Variants in EHMT1 observed in about 807,000 individuals in gnomAD.
The protein encoded by EHMT1 is euchromatic histone lysine methyltransferase 1, also known as histone-lysine N-methyltransferase EHMT1.
EHMT1 carries 15 observed loss-of-function variants against 147.2 expected under a neutral mutation model. That is an observed-to-expected ratio of 0.10 (90% CI 0.07 to 0.16). The LOEUF (loss-of-function observed/expected upper bound fraction) is 0.16, where lower values mean the gene tolerates loss of function less well. EHMT1 is among the 10% of genes least tolerant of loss of function. EHMT1 has a pLI of 1.00. For missense variants in EHMT1, 1,587 were observed against 1,772.4 expected, an observed-to-expected ratio of 0.90 and a Z score of 1.88; for synonymous variants, 795 against 709.6, an observed-to-expected ratio of 1.12 and a Z score of -1.91.
At position 137,782,966 on chromosome 9, in the gene EHMT1, C is replaced by T. The variant is rs929664111; in HGVS notation, c.2382+569C>T. Among the ~76,000 whole-genome samples the T allele has an allele frequency of 1.3e-5, 2 of 152,206 alleles. No homozygotes were observed. The highest frequency in any genetic ancestry group is 2.4e-5 in the African/African-American group (1 of 41,436). ...CCCTGTGACGCCCCTTCCCTGATCC[C>T]GGTGTTGGATCCCCTGTTTCTCAAG... On this transcript the variant is annotated intron_variant, in intron 15 of 26. Coordinates refer to ENST00000460843, the MANE Select transcript of EHMT1 (RefSeq NM_024757.5). This position sits in a 1 kb window ranked among gnomAD's most constrained non-coding sequence, Gnocchi z 5.7.
At chr9:137,711,139 CCT>C (rs1944676817) in intron 2 of EHMT1, 109 bp downstream of exon 2, 1 of 1,199,758 alleles carries the variant, frequency 8.3e-7, no homozygotes, top group Non-Finnish European at 1.2e-6. Context: ...CTTTGCTTCA[CCT>C]AGGTTTATGG....
At chr9:137,717,531 G>T (rs1945454499) in intron 3 of EHMT1, among the ~76,000 whole-genome samples, 1 of 149,972 alleles carries the variant, frequency 6.7e-6, no homozygotes, top group African/African-American at 2.5e-5. Context: ...GATTGCTTGA[G>T]CCTGGTGGAG....
At chr9:137,830,692 G>A (rs968813418) in intron 25 of EHMT1, among the ~76,000 whole-genome samples, 2 of 152,278 alleles carry the variant, frequency 1.3e-5, no homozygotes, top group South Asian at 2.1e-4. Context: ...CTTGTGCTTC[G>A]CGGCACCAGA....
At chr9:137,748,238 T>C (rs542397937) in intron 6 of EHMT1, among the ~76,000 whole-genome samples, 2 of 152,354 alleles carry the variant, frequency 1.3e-5, no homozygotes, top group South Asian at 4.1e-4. Flanking sequence ...TCCTTGTAGT[T>C]TGAACATGTC....
At chr9:137,715,999 G>A (rs1588317775) in intron 2 of EHMT1, among the ~76,000 whole-genome samples, 1 of 151,084 alleles carries the variant, frequency 6.6e-6, no homozygotes. Flanking sequence ...ATATAAGCCA[G>A]CCAAAGAAAT....
intron 12 of EHMT1, chr9:137,777,067 T>G (rs888131593): frequency 3.7e-6 from 2 of 535,594 alleles, no homozygotes; most frequent in Non-Finnish European, 3.3e-6. Context: ...TTGCCTGTTT[T>G]GAACCGGTTT....
At chr9:137,823,209 C>T (rs941994643) in intron 25 of EHMT1, among the ~76,000 whole-genome samples, 1 of 151,644 alleles carries the variant, frequency 6.6e-6, no homozygotes, top group African/African-American at 2.4e-5. Context: ...CCCCATTCTC[C>T]AGCCTCAGCC....
chr9:137,648,517 G>T (rs1294899719), intron 1 of EHMT1, among the ~76,000 whole-genome samples: 2 of 147,430 alleles, frequency 1.4e-5, no homozygotes, highest in Non-Finnish European at 3.0e-5. Flanking sequence ...AAATAGTTGG[G>T]CATGGTGCCT....
At chr9:137,642,990 C>G (rs1844604354) in intron 1 of EHMT1, among the ~76,000 whole-genome samples, 1 of 152,180 alleles carries the variant, frequency 6.6e-6, no homozygotes, top group Non-Finnish European at 1.5e-5. Context: ...AGAGATCCTC[C>G]TGCCTCAGCC....
chr9:137,743,773 C>T (rs767101806), intron 5 of EHMT1, 129 bp from the exon 6 acceptor site: 224 of 1,245,364 alleles, frequency 1.8e-4, no homozygotes, highest in Non-Finnish European at 2.4e-4. Context: ...GCAGGGGCAC[C>T]TCTTCGTGTG....
chr9:137,810,029 G>A (rs537435194), intron 18 of EHMT1, among the ~76,000 whole-genome samples: 18 of 121,316 alleles, frequency 1.5e-4, no homozygotes, highest in Non-Finnish European at 2.5e-4. Context: ...TGATGGGTCC[G>A]GAGGCGGTTC....
intron 4 of EHMT1, among the ~76,000 whole-genome samples, chr9:137,742,329 G>A (rs1375757609): frequency 6.7e-6 from 1 of 149,046 alleles, no homozygotes; most frequent in Non-Finnish European, 1.5e-5. Context: ...GTGTGTGTGT[G>A]TGTAAGTAAA....
intron 1 of EHMT1, among the ~76,000 whole-genome samples, chr9:137,639,056 T>A (rs909141874): frequency 2.0e-5 from 3 of 152,068 alleles, no homozygotes; most frequent in Admixed American, 6.5e-5. Context: ...GTATTTTCAT[T>A]TTTATTCAGT....
chr9:137,821,342 T>TTA (rs1955406895), intron 25 of EHMT1, among the ~76,000 whole-genome samples: 1 of 148,276 alleles, frequency 6.7e-6, no homozygotes. Flanking sequence ...TTTTTTTTTT[T>TTA]TAAGAGACCA....
intron 1 of EHMT1, among the ~76,000 whole-genome samples, chr9:137,707,230 G>A (rs1053826422): frequency 6.6e-5 from 10 of 152,232 alleles, no homozygotes; most frequent in African/African-American, 1.7e-4. Context: ...TGCTTGGGGG[G>A]GCTGGTCTCC....
intron 1 of EHMT1, among the ~76,000 whole-genome samples, chr9:137,710,287 C>G (rs1944586746): frequency 6.6e-6 from 1 of 152,164 alleles, no homozygotes; most frequent in Non-Finnish European, 1.5e-5. Flanking sequence ...GCCTGGCCAA[C>G]ATGGCGAAAC....
In EHMT1 at chr9:137,834,809, C is replaced by A. The variant is rs1247451426; in HGVS notation, c.3753C>A (p.Gly1251=). The A allele has an allele frequency of 6.2e-7, 1 of 1,612,842 alleles. No individual in the cohort carries two copies. Among genetic ancestry groups the A allele is most frequent in the Non-Finnish European group, 8.5e-7 (1 of 1,179,718 alleles). ...DYGERFWDIK[G]KLFSCRCGSP... is the part of the protein sequence containing the mutation. ...GAGAGCGCTTCTGGGACATCAAAGG[C>A]AAGCTCTTCAGCTGCCGCTGCGGCT... The change falls in exon 27 of 27, where the codon GGC becomes GGA. Residue 1251 remains glycine, a synonymous_variant. Transcript: ENST00000460843.
At chr9:137,694,110 C>G (rs1334053034) in intron 1 of EHMT1, among the ~76,000 whole-genome samples, 1 of 86,616 alleles carries the variant, frequency 1.2e-5, no homozygotes, top group East Asian at 3.9e-4. Context: ...AGGACGCTGG[C>G]CGATACCCCC....
intron 16 of EHMT1, chr9:137,792,040 C>CA: frequency 5.3e-6 from 2 of 375,830 alleles, no homozygotes; most frequent in Non-Finnish European, 1.1e-5. Context: ...GCGCTAACAG[C>CA]TTTTTTTTTT....
Sources: allele counts gnomAD v4.1 joint callset (sites outside exome capture counted in the v4.1 genomes callset), GRCh38; gene constraint gnomAD v4.1.1; non-coding constraint Gnocchi (gnomAD v3.1); transcripts MANE v1.5; gene names NCBI Gene and HGNC (gene_info 2026-07-23, HGNC 2026-07-21).